The following CCDC144A variants were observed in gnomAD, a reference collection of about 807,000 sequenced individuals.
CCDC144A encodes the protein coiled-coil domain-containing protein 144A.
Under a neutral mutation model 143.8 loss-of-function variants are expected in CCDC144A, and 41 were observed. The observed-to-expected ratio is 0.29, with a 90% CI of 0.22 to 0.37. The LOEUF (loss-of-function observed/expected upper bound fraction) is 0.37, where lower values mean the gene tolerates loss of function less well. Ranked by LOEUF, CCDC144A falls within the 10% of genes least tolerant of loss-of-function variation. The pLI, the probability that CCDC144A is intolerant of heterozygous loss-of-function variation, is 1.00. For missense variants in CCDC144A, 637 were observed against 1,488.8 expected (o/e 0.43, Z 9.41); for synonymous variants, 242 against 517.9 (o/e 0.47, Z 7.23).
At chr17:16,725,699 C>T (rs915916501) in intron 8 of CCDC144A, among the ~76,000 whole-genome samples, 3 of 146,466 alleles carry the variant, frequency 2.0e-5, no homozygotes, top group Non-Finnish European at 3.0e-5. Context: ...GTGATGGGTG[C>T]GCCAAAATCT....
chr17:16,678,807 T>G, the CCDC144A span, among the ~76,000 whole-genome samples: 3 of 139,954 alleles, frequency 2.1e-5, no homozygotes, highest in African/African-American at 8.1e-5. Flanking sequence ...CAGGCTGGAG[T>G]GCAATGGCGC....
intron 9 of CCDC144A, among the ~76,000 whole-genome samples, chr17:16,729,991 T>TATATATATATATATATATATATACATAC (rs1491438660): frequency 3.5e-5 from 4 of 114,892 alleles, no homozygotes; most frequent in African/African-American, 1.3e-4. Flanking sequence ...TATATATATA[T>TATATATATATATATATATATATACATAC]ACACACATAC....
the CCDC144A span, among the ~76,000 whole-genome samples, chr17:16,681,687 C>T: frequency 6.6e-6 from 1 of 151,896 alleles, no homozygotes. Context: ...GGAGAAACCC[C>T]GTCTCTACTA....
At chr17:16,668,861 G>T in the CCDC144A span, among the ~76,000 whole-genome samples, 1 of 152,052 alleles carries the variant, frequency 6.6e-6, no homozygotes, top group East Asian at 1.9e-4. Context: ...TCTTATAAGG[G>T]CATTAATTCC....
intron 6 of CCDC144A, among the ~76,000 whole-genome samples, chr17:16,714,760 C>CT (rs1912645644): frequency 6.6e-6 from 1 of 152,052 alleles, no homozygotes; most frequent in South Asian, 2.1e-4. Flanking sequence ...CCATTTCACT[C>CT]TGAGTATGTG....
intron 8 of CCDC144A, among the ~76,000 whole-genome samples, chr17:16,722,237 A>T (rs189445217): frequency 8.5e-5 from 13 of 152,156 alleles, no homozygotes; most frequent in African/African-American, 2.9e-4. Flanking sequence ...GTGAATACTT[A>T]TATTTTACTG....
At chr17:16,766,935 C>CAAAAAA (rs1303852574) in intron 15 of CCDC144A, 11 of 152,106 alleles carry the variant, frequency 7.2e-5, no homozygotes, top group Non-Finnish European at 1.6e-4. Context: ...TACCTAGTTT[C>CAAAAAA]CTTGTGGGGC....
chr17:16,772,117 A>G, intron 16 of CCDC144A, 98 bp downstream of exon 16: 1 of 699,114 alleles, frequency 1.4e-6, no homozygotes, highest in Non-Finnish European at 2.4e-6. Flanking sequence ...GCTAGTAGAT[A>G]CTACATTAAA....
At chr17:16,730,062 CT>C (rs1158395324) in intron 9 of CCDC144A, among the ~76,000 whole-genome samples, 1 of 132,508 alleles carries the variant, frequency 7.5e-6, no homozygotes, top group African/African-American at 3.0e-5. Context: ...TGGTCTCAAA[CT>C]TCTGGGCTCA....
At chr17:16,751,493 T>C (rs556372474) in intron 12 of CCDC144A, among the ~76,000 whole-genome samples, 1 of 152,270 alleles carries the variant, frequency 6.6e-6, no homozygotes, top group South Asian at 2.1e-4. Flanking sequence ...GGGGGAAAAG[T>C]AGGATTGTGA....
chr17:16,692,678 A>G (rs1287487344), intron 1 of CCDC144A, among the ~76,000 whole-genome samples: 1 of 151,804 alleles, frequency 6.6e-6, no homozygotes, highest in Non-Finnish European at 1.5e-5. Flanking sequence ...AGCCTAAGAG[A>G]AGCAACTTGT....
chr17:16,739,991 G>A (rs966418973), intron 12 of CCDC144A, among the ~76,000 whole-genome samples: 19 of 151,432 alleles, frequency 1.3e-4, no homozygotes, highest in Non-Finnish European at 2.5e-4. Context: ...TTTTTCTCCA[G>A]TCATACCTTT....
chr17:16,771,523 G>T (rs1358136708), intron 15 of CCDC144A, among the ~76,000 whole-genome samples: 6 of 152,234 alleles, frequency 3.9e-5, no homozygotes, highest in African/African-American at 1.4e-4. Flanking sequence ...TAATAGCAAA[G>T]AACATACTTT....
At chr17:16,678,506 G>A in the CCDC144A span, among the ~76,000 whole-genome samples, 2 of 151,918 alleles carry the variant, frequency 1.3e-5, no homozygotes, top group African/African-American at 4.8e-5. Flanking sequence ...TGGATACCCT[G>A]GCATGCAGAC....
At chr17:16,728,418 G>A (rs1191417260) in intron 9 of CCDC144A, among the ~76,000 whole-genome samples, 2 of 151,974 alleles carry the variant, frequency 1.3e-5, no homozygotes, top group Non-Finnish European at 2.9e-5. Flanking sequence ...TAGAATTATT[G>A]GTTGAAATAT....
rs1201481608 is a variant in CCDC144A, at chr17:16,711,704, G to T, written c.1604G>T (p.Arg535Ile). The T allele has an allele frequency of 6.2e-7, 1 of 1,601,300 alleles. No individual in the cohort carries two copies. The highest frequency in any genetic ancestry group is 2.2e-5 in the East Asian group (1 of 44,828). The part of the protein sequence containing the change: ...KDVEEEMEKH[R>I]SNSTELSGTL... ...GTTGAAGAAGAAATGGAGAAGCACA[G>T]AAGTAATAGCACAGAATTATCAGGA... is the stretch of plus-strand genomic sequence containing the variant. Residue 535 changes from arginine to isoleucine, a missense_variant, in exon 6 of 17, where the codon AGA (arginine) becomes ATA (isoleucine). By Grantham distance (97) the Arg-to-Ile change is moderately conservative (BLOSUM62 -3). Coordinates refer to ENST00000399273, the MANE Select transcript of CCDC144A (RefSeq NM_001382000.1).
intron 12 of CCDC144A, among the ~76,000 whole-genome samples, chr17:16,758,097 C>T (rs899556796): frequency 2.6e-5 from 4 of 152,198 alleles, no homozygotes; most frequent in African/African-American, 7.2e-5. Flanking sequence ...TCAGCCATCT[C>T]GATGATGTCT....
At chr17:16,759,293 C>T (rs1915247521) in intron 12 of CCDC144A, among the ~76,000 whole-genome samples, 2 of 152,220 alleles carry the variant, frequency 1.3e-5, no homozygotes, top group African/African-American at 2.4e-5. Context: ...TTTACAGTGA[C>T]TTTATCCTGA....
At chr17:16,668,400 T>TAG in the CCDC144A span, among the ~76,000 whole-genome samples, 1 of 152,314 alleles carries the variant, frequency 6.6e-6, no homozygotes, top group Non-Finnish European at 1.5e-5. Context: ...TGCTGATAGT[T>TAG]TTCCCTAAGC....
Sources: allele counts gnomAD v4.1 joint callset (sites outside exome capture counted in the v4.1 genomes callset), GRCh38; gene constraint gnomAD v4.1.1; transcripts MANE v1.5; gene names NCBI Gene and HGNC (gene_info 2026-07-23, HGNC 2026-07-21).